Variants in NAALAD2 observed in about 807,000 individuals in gnomAD.
NAALAD2 encodes N-acetylated-alpha-linked acidic dipeptidase 2.
In NAALAD2, 89 loss-of-function variants were observed where a neutral mutation model predicts 95.6. That is an observed-to-expected ratio of 0.93 (90% CI 0.78 to 1.11). NAALAD2 has a LOEUF of 1.11. NAALAD2 is among the 50% of genes least tolerant of loss of function. The pLI is 0.00. For synonymous variants in NAALAD2, 264 were observed against 294.4 expected, an observed-to-expected ratio of 0.90 and a Z score of 1.06; for missense variants, 894 against 872.4, an observed-to-expected ratio of 1.02 and a Z score of -0.31.
At chr11:90,163,701 A>G in intron 11 of NAALAD2, 84 bp downstream of exon 11, 1 of 1,204,108 alleles carries the variant, frequency 8.3e-7, no homozygotes, top group South Asian at 1.2e-5. Flanking sequence ...TCAAAAATAT[A>G]TTCCATTACC....
intron 16 of NAALAD2, among the ~76,000 whole-genome samples, chr11:90,179,850 T>C (rs1421295462): frequency 6.6e-6 from 1 of 152,106 alleles, no homozygotes; most frequent in African/African-American, 2.4e-5. Flanking sequence ...AGAGGCCTGG[T>C]TTGATCTGTT....
rs1416960690 is a variant in NAALAD2, at chr11:90,136,560, GCTT to G, written c.194+894_194+896del. 1.1e-4 allele frequency among the ~76,000 whole-genome samples: 17 copies of G among 152,070 alleles called. No individual in the cohort carries two copies. In the East Asian group the frequency reaches 3.3e-3, roughly 29 times the overall value. On this transcript the variant is annotated intron_variant, in intron 2 of 18. Coordinates refer to ENST00000534061, the MANE Select transcript of NAALAD2 (RefSeq NM_005467.4). ...TATAGTATATGTTCTTTTGTATCTAGCTTCTTTTACTCAGAATAATGATTTTGA... is the reference window on the plus strand; with the variant it reads ...TATAGTATATGTTCTTTTGTATCTAGCTTTTACTCAGAATAATGATTTTGA...
chr11:90,145,679 T>TAA, intron 2 of NAALAD2, among the ~76,000 whole-genome samples: 1 of 152,146 alleles, frequency 6.6e-6, no homozygotes, highest in East Asian at 1.9e-4. Flanking sequence ...TATGGATGAT[T>TAA]AATAGTTTGC....
intron 16 of NAALAD2, among the ~76,000 whole-genome samples, chr11:90,179,192 TACAA>T (rs1555126396): frequency 6.6e-6 from 1 of 152,240 alleles, no homozygotes; most frequent in Non-Finnish European, 1.5e-5. Flanking sequence ...ACTGTTTTAT[TACAA>T]ACATTGTCTT....
rs2134852746 is a variant in NAALAD2 at position 90,146,707 on chromosome 11, C to T, written c.195-623C>T. ...TATTCACCCCAAGTAAAATAAATCT[C>T]ACTAAGAACTATGTTTGTGGGGTCA... On this transcript the variant is annotated intron_variant, in intron 2 of 18. Coordinates refer to ENST00000534061, the MANE Select transcript of NAALAD2 (RefSeq NM_005467.4). Among the ~76,000 whole-genome samples the T allele has an allele frequency of 1.3e-5, 2 of 152,178 alleles. 1 individual carries two copies. Among genetic ancestry groups the T allele is most frequent in the South Asian group, 4.1e-4 (2 of 4,820 alleles).
chr11:90,152,195 G>A lies in NAALAD2; in HGVS notation c.610-103G>A, dbSNP rs943896858. Reference sequence around the variant, plus strand: ...TGAATGTGTAATTGTATGGTAAAAGGCAGTGTCTAAATATCCTTCCATTAT... The same window carrying A: ...TGAATGTGTAATTGTATGGTAAAAGACAGTGTCTAAATATCCTTCCATTAT... On this transcript the variant is annotated intron_variant, in intron 5 of 18. Transcript: ENST00000534061. The A allele has an allele frequency of 5.7e-6, 6 of 1,055,514 alleles. No individual in the cohort carries two copies. The African/African-American group carries it at 9.6e-5, about 17-fold the overall frequency. The allele number at this position is 1,055,514 out of a possible 1,614,324, so 65.4% of individuals were successfully genotyped here. A position where few individuals can be genotyped will look rare whatever the true frequency, so the allele number is the denominator to read the frequency against.
Position 90,152,685 on chromosome 11 carries a change from G to T in NAALAD2, c.796+201G>T, listed in dbSNP as rs369582299. ...TAAATTTTCATGAGATGTCGGCATG[G>T]GGAGTAAACACTCAGTTCATACTCT... On this transcript the variant is annotated intron_variant, in intron 6 of 18. Coordinates refer to ENST00000534061, the MANE Select transcript of NAALAD2 (RefSeq NM_005467.4). Among the ~76,000 whole-genome samples, 44 of 152,076 alleles carry T rather than the reference G, an allele frequency of 2.9e-4. No homozygotes were observed. The South Asian group carries it at 9.1e-3, about 32-fold the overall frequency.
upstream of NAALAD2, among the ~76,000 whole-genome samples, chr11:90,133,351 A>G (rs1047163787): frequency 2.0e-5 from 3 of 152,198 alleles, no homozygotes; most frequent in Non-Finnish European, 4.4e-5. Flanking sequence ...TTGCAAACCC[A>G]TCTTTAAAGA....
In NAALAD2 at chr11:90,177,382, A is replaced by G. The variant is rs1185975197; in HGVS notation, c.1594-471A>G. Among the ~76,000 whole-genome samples the G allele has an allele frequency of 2.2e-3, 329 of 151,216 alleles. 6 individuals are homozygous for G. The highest frequency in any genetic ancestry group is 5.5e-4 in the Non-Finnish European group (37 of 67,856). ...ATGCTGAGGTGCAATTTGAATATGT[A>G]TTCCCTAATTTTAGTTATCGAAGAT... On this transcript the variant is annotated intron_variant, in intron 15 of 18. Coordinates refer to ENST00000534061, the MANE Select transcript of NAALAD2 (RefSeq NM_005467.4).
intron 11 of NAALAD2, among the ~76,000 whole-genome samples, chr11:90,166,531 A>G (rs1463398232): frequency 6.6e-6 from 1 of 152,210 alleles, no homozygotes; most frequent in Admixed American, 6.5e-5. Context: ...ATTGCCAGTT[A>G]TATCTATTAG....
At chr11:90,141,017 G>A (rs781533052) in intron 2 of NAALAD2, among the ~76,000 whole-genome samples, 7 of 152,146 alleles carry the variant, frequency 4.6e-5, no homozygotes, top group South Asian at 2.1e-4. Context: ...TTGGTTGGGC[G>A]TATTTGTGTG....
In NAALAD2 at chr11:90,148,878, G is replaced by A. The variant is rs954579006; in HGVS notation, c.382-128G>A. On this transcript the variant is annotated intron_variant, in intron 3 of 18. Coordinates refer to ENST00000534061, the MANE Select transcript of NAALAD2 (RefSeq NM_005467.4). ...AAGGCTCTTTCTCATTGTTGTCAGT[G>A]TAATTTATCTATTACAGAACCTTGT... 8.5e-5 allele frequency: 44 copies of A among 517,910 alleles called. 1 individual carries two copies. Among genetic ancestry groups the A allele is most frequent in the South Asian group, 4.9e-4 (15 of 30,832 alleles). The allele number at this position is 517,910 out of a possible 1,614,324, so 32.1% of individuals were successfully genotyped here.
At chr11:90,157,312 C>CAAA (rs1952144497) in intron 6 of NAALAD2, among the ~76,000 whole-genome samples, 2 of 152,092 alleles carry the variant, frequency 1.3e-5, no homozygotes, top group African/African-American at 4.8e-5. Flanking sequence ...GTGTTTCAGG[C>CAAA]ATGAAGGTAA....
chr11:90,163,059 AT>A (rs753457172), intron 9 of NAALAD2, 25 bp downstream of exon 9: 25 of 1,490,682 alleles, frequency 1.7e-5, no homozygotes, highest in Non-Finnish European at 2.3e-5. Flanking sequence ...TTTTTAAAAC[AT>A]TTTGTTTTTA....
In NAALAD2 at chr11:90,170,148, A is replaced by T. The variant is rs780062001; in HGVS notation, c.1410+12A>T. On this transcript the variant is annotated intron_variant, in intron 13 of 18. Transcript: ENST00000534061. ...AACTGACAAAAGAGGTATATAAGGA[A>T]ATGTGTCTTCATATGTTCTCTTTTG... is the stretch of plus-strand genomic sequence containing the variant. 2 of 1,493,218 alleles carry T rather than the reference A, an allele frequency of 1.3e-6. No individual in the cohort carries two copies. The highest frequency in any genetic ancestry group is 2.3e-5 in the South Asian group (2 of 88,438). The allele number at this position is 1,493,218 out of a possible 1,614,324, so 92.5% of individuals were successfully genotyped here.
intron 2 of NAALAD2, among the ~76,000 whole-genome samples, chr11:90,142,634 C>G (rs1316379503): frequency 6.6e-6 from 1 of 151,926 alleles, no homozygotes; most frequent in African/African-American, 2.4e-5. Flanking sequence ...CTCTGTGGGC[C>G]GCATATAATA....
chr11:90,181,714 T>C lies in NAALAD2; in HGVS notation c.1940+13T>C, dbSNP rs1473691540. 1 of 1,381,810 alleles carries C rather than the reference T, an allele frequency of 7.2e-7. No individual in the cohort carries two copies. Among genetic ancestry groups the C allele is most frequent in the South Asian group, 1.3e-5 (1 of 78,272 alleles). The allele number at this position is 1,381,810 out of a possible 1,614,324, so 85.6% of individuals were successfully genotyped here. ...TTGATCTTAACAAGTAAGTTTCAAA[T>C]CCCTTTTTTTTTAAAAAAAAAAAAA... On this transcript the variant is annotated intron_variant, in intron 17 of 18. Coordinates refer to ENST00000534061, the MANE Select transcript of NAALAD2 (RefSeq NM_005467.4).
At chr11:90,189,361 C>CCA (rs1016666061) in intron 18 of NAALAD2, among the ~76,000 whole-genome samples, 40 of 152,308 alleles carry the variant, frequency 2.6e-4, no homozygotes, top group African/African-American at 8.9e-4. Flanking sequence ...ATAAAATGAA[C>CCA]ACACTCTGTA....
In NAALAD2 at chr11:90,155,505, AATT is replaced by A. The variant is rs1429879015; in HGVS notation, c.797-2637_797-2635del. The stretch of plus-strand genomic sequence containing the variant: ...ATATTATATATAATATATTATATAT[AATT>A]ATATATAATTACATATTATATATGC... On this transcript the variant is annotated intron_variant, in intron 6 of 18. Transcript: ENST00000534061. Among the ~76,000 whole-genome samples the A allele has an allele frequency of 4.3e-3, 492 of 115,502 alleles. 6 individuals are homozygous for A. Among genetic ancestry groups the A allele is most frequent in the African/African-American group, 0.016 (460 of 28,460 alleles). 75.8% of individuals were successfully genotyped at this position (115,502 alleles called of 152,430 possible).
Sources: allele counts gnomAD v4.1 joint callset (sites outside exome capture counted in the v4.1 genomes callset), GRCh38; gene constraint gnomAD v4.1.1; transcripts MANE v1.5; gene names NCBI Gene and HGNC (gene_info 2026-07-23, HGNC 2026-07-21).